Variants in RBFOX3 observed in about 807,000 individuals in gnomAD.
RBFOX3 encodes RNA binding fox-1 homolog 3, also known as RNA binding protein fox-1 homolog 3.
Under a neutral mutation model 48.7 loss-of-function variants are expected in RBFOX3, and 17 were observed. The observed-to-expected ratio is 0.35, with a 90% CI of 0.24 to 0.52. The LOEUF is 0.52. RBFOX3 is among the 20% of genes least tolerant of loss of function. The pLI is 0.94. For missense variants in RBFOX3, 382 were observed against 497.5 expected (o/e 0.77, Z 2.21); for synonymous variants, 212 against 209.5 (o/e 1.01, Z -0.10).
In RBFOX3 at chr17:79,513,818, G is replaced by C. The variant is rs1049808618; in HGVS notation, c.-319-31220C>G. ...CACAGAGCCATTTCTCCCGAGTGTGGTTCCTGGGTCTATGGGGGCCCGCGT... is the reference window on the plus strand; with the variant it reads ...CACAGAGCCATTTCTCCCGAGTGTGCTTCCTGGGTCTATGGGGGCCCGCGT... On this transcript the variant is annotated intron_variant, in intron 1 of 14. Transcript: ENST00000693108. Among the ~76,000 whole-genome samples, 707 of 152,346 alleles carry C rather than the reference G, an allele frequency of 4.6e-3. 3 individuals are homozygous for C. Among genetic ancestry groups the C allele is most frequent in the African/African-American group, 0.015 (621 of 41,572 alleles).
chr17:79,560,461 T>A (rs1447692479), intron 1 of RBFOX3, among the ~76,000 whole-genome samples: 3 of 152,176 alleles, frequency 2.0e-5, no homozygotes, highest in South Asian at 2.1e-4. Context: ...TCAGGACCAG[T>A]CAGAACAGGT....
intron 3 of RBFOX3, among the ~76,000 whole-genome samples, chr17:79,276,379 CT>C (rs371176765): frequency 4.8e-4 from 73 of 152,254 alleles, no homozygotes; most frequent in African/African-American, 1.7e-3. Flanking sequence ...AATAAAGCTG[CT>C]TTTTTAAAAA....
At chr17:79,551,563 A>G (rs1375183296) in intron 1 of RBFOX3, among the ~76,000 whole-genome samples, 1 of 147,556 alleles carries the variant, frequency 6.8e-6, no homozygotes, top group Non-Finnish European at 1.5e-5. Context: ...GGGCAGATGG[A>G]AGGTGGATAG....
At chr17:79,588,972 G>C (rs2093338686) in intron 1 of RBFOX3, among the ~76,000 whole-genome samples, 1 of 150,886 alleles carries the variant, frequency 6.6e-6, no homozygotes, top group Non-Finnish European at 1.5e-5. Context: ...TTGGACCTGG[G>C]CCATATAGTG....
At chr17:79,313,496 G>T (rs1184489101) in intron 2 of RBFOX3, among the ~76,000 whole-genome samples, 1 of 152,182 alleles carries the variant, frequency 6.6e-6, no homozygotes, top group East Asian at 1.9e-4. Context: ...GCAGGTCCCA[G>T]GCCCAACCAT....
chr17:79,173,894 C>T (rs971370180), intron 4 of RBFOX3, among the ~76,000 whole-genome samples: 1 of 147,004 alleles, frequency 6.8e-6, no homozygotes, highest in Non-Finnish European at 1.5e-5. Flanking sequence ...GCACACGCCA[C>T]GTGCTGAAGT....
rs1268297880 is a variant in RBFOX3, at chr17:79,252,988, C to G, written c.-73-17183G>C. On this transcript the variant is annotated intron_variant, in intron 3 of 14. Transcript: ENST00000693108. The surrounding 1 kb of genome is among the most constrained non-coding windows in gnomAD (Gnocchi z 4.0). The stretch of plus-strand genomic sequence containing the variant: ...CAGCAAAGTCAAGTCCCTCTCTGAG[C>G]AGCCTCTGCTTCCCAGATGGAGCCT... Among the ~76,000 whole-genome samples, 1 of 152,208 alleles carries G rather than the reference C, an allele frequency of 6.6e-6. No homozygotes were observed. Among genetic ancestry groups the G allele is most frequent in the African/African-American group, 2.4e-5 (1 of 41,450 alleles).
rs563308683 is a variant in RBFOX3, at chr17:79,435,061, T to C, written c.-175+47393A>G. On this transcript the variant is annotated intron_variant, in intron 2 of 14. Coordinates refer to ENST00000693108, the MANE Select transcript of RBFOX3 (RefSeq NM_001350451.2). ...CTGCAAAACAAAAAGACATGATTTT[T>C]GTGGCCCCCAAAGCCTTCCCCTTTT... Among the ~76,000 whole-genome samples, 3 of 152,342 alleles carry C rather than the reference T, an allele frequency of 2.0e-5. No homozygotes were observed. In the East Asian group the frequency reaches 5.8e-4, roughly 29 times the overall value.
At chr17:79,272,636 A>G (rs893180674) in intron 3 of RBFOX3, among the ~76,000 whole-genome samples, 6 of 152,050 alleles carry the variant, frequency 3.9e-5, no homozygotes, top group African/African-American at 1.4e-4. Context: ...GATCGCTCCA[A>G]CTGCCCCCTT....
chr17:79,133,427 C>G (rs2039451598), intron 4 of RBFOX3, among the ~76,000 whole-genome samples: 1 of 152,190 alleles, frequency 6.6e-6, no homozygotes, highest in Non-Finnish European at 1.5e-5. Flanking sequence ...ACCTACTAGC[C>G]ATCTCTGGGA....
chr17:79,550,881 C>T (rs1464804382), intron 1 of RBFOX3, among the ~76,000 whole-genome samples: 2 of 152,174 alleles, frequency 1.3e-5, no homozygotes, highest in Non-Finnish European at 2.9e-5. Context: ...AATAATTTGA[C>T]TTTGCAATTC....
chr17:79,092,709 A>T, intron 14 of RBFOX3: 4 of 214,254 alleles, frequency 1.9e-5, no homozygotes, highest in Non-Finnish European at 2.3e-5. Context: ...AAGCAAAAAG[A>T]AAAAAAAAAA....
At chr17:79,518,355 G>A (rs1432696374) in intron 1 of RBFOX3, among the ~76,000 whole-genome samples, 2 of 152,344 alleles carry the variant, frequency 1.3e-5, no homozygotes, top group South Asian at 2.1e-4. Context: ...ACAAATGTGC[G>A]AGTGACACTG....
chr17:79,634,451 C>T, the RBFOX3 span, among the ~76,000 whole-genome samples: 2 of 152,212 alleles, frequency 1.3e-5, no homozygotes, highest in South Asian at 4.1e-4. Flanking sequence ...TCTGGGCCAA[C>T]CAACTATGGA....
At chr17:79,441,271 C>T (rs1010355199) in intron 2 of RBFOX3, among the ~76,000 whole-genome samples, 11 of 152,218 alleles carry the variant, frequency 7.2e-5, no homozygotes, top group South Asian at 2.1e-4. Flanking sequence ...TCCTTCCTCC[C>T]GGAGCCTCGG....
rs897152175 is a variant in RBFOX3, at chr17:79,558,648, G to A, written c.-320+52178C>T. On this transcript the variant is annotated intron_variant, in intron 1 of 14. Transcript: ENST00000693108. ...GAGAGGAAACCAAAATTGTCAGCCC[G>A]GACACATTTGGAAATTTACTGGAGC... is the stretch of plus-strand genomic sequence containing the variant. Among the ~76,000 whole-genome samples the A allele has an allele frequency of 8.2e-3, 1,249 of 152,238 alleles. 12 individuals are homozygous for A. The highest frequency in any genetic ancestry group is 0.029 in the African/African-American group (1,202 of 41,548).
chr17:79,233,002 C>T (rs975781504), intron 4 of RBFOX3, among the ~76,000 whole-genome samples: 5 of 152,194 alleles, frequency 3.3e-5, no homozygotes, highest in Non-Finnish European at 1.5e-5. Flanking sequence ...CCAGCCATTT[C>T]ACCCAAGAGA....
At chr17:79,610,462 ACCACCGCCACCG>A (rs1231724621) in intron 1 of RBFOX3, among the ~76,000 whole-genome samples, 1 of 151,232 alleles carries the variant, frequency 6.6e-6, no homozygotes, top group South Asian at 2.1e-4. Context: ...CACAGCCACC[ACCACCGCCACCG>A]CCACCGCCAC....
chr17:79,513,694 C>T (rs2084838601), intron 1 of RBFOX3, among the ~76,000 whole-genome samples: 1 of 152,210 alleles, frequency 6.6e-6, no homozygotes, highest in South Asian at 2.1e-4. Context: ...CAGTGTCCTC[C>T]ACTCCACAGT....
Sources: gnomAD v4.1 joint callset for allele counts (sites outside exome capture counted in the v4.1 genomes callset) on GRCh38, gnomAD v4.1.1 for gene constraint, Gnocchi (gnomAD v3.1) non-coding constraint, MANE v1.5 for transcripts, NCBI Gene and HGNC (gene_info 2026-07-23, HGNC 2026-07-21) for gene names.